Variants in SPART observed in about 807,000 individuals in gnomAD.
SPART encodes spastic paraplegia 20 (Troyer syndrome).
Under a neutral mutation model 58.7 loss-of-function variants are expected in SPART, and 35 were observed. The ratio of observed to expected loss-of-function variants is 0.60; its 90% CI spans 0.46 to 0.79. SPART has a LOEUF of 0.79. Among genes scored for constraint, SPART ranks in the 30% least tolerant of loss-of-function variants. The probability of loss-of-function intolerance (pLI) is 0.00; values close to 1 mark genes in which losing one functional copy is unlikely to be tolerated. For missense variants in SPART, 730 were observed against 786.1 expected (o/e 0.93, Z 0.85); for synonymous variants, 284 against 280.7 (o/e 1.01, Z -0.12).
At chr13:36,341,471 T>C (rs1381635518) in intron 1 of SPART, among the ~76,000 whole-genome samples, 1 of 152,228 alleles carries the variant, frequency 6.6e-6, no homozygotes, top group Admixed American at 6.5e-5. Flanking sequence ...AAACTCAGTA[T>C]GTGTTTTACA....
At chr13:36,323,929 T>A (rs1212945339) in intron 5 of SPART, among the ~76,000 whole-genome samples, 1 of 152,208 alleles carries the variant, frequency 6.6e-6, no homozygotes, top group African/African-American at 2.4e-5. Flanking sequence ...AGTTTTTGCT[T>A]GTTTTAAAAT....
intron 5 of SPART, 25 bp from the exon 6 acceptor site, chr13:36,314,446 G>A (rs999935782): frequency 6.2e-7 from 1 of 1,605,428 alleles, no homozygotes; most frequent in Non-Finnish European, 8.5e-7. Flanking sequence ...ATTTAAAATT[G>A]CACAATATTA....
At position 36,302,173 on chromosome 13, in the gene SPART, T is replaced by C. The variant is rs532107826; in HGVS notation, c.*2192A>G. 1 of 152,290 alleles carries C rather than the reference T, an allele frequency of 6.6e-6. No homozygotes were observed. The highest frequency in any genetic ancestry group is 2.1e-4 in the South Asian group (1 of 4,828). The allele number at this position is 152,290 out of a possible 1,614,324, so 9.4% of individuals were successfully genotyped here. A position where few individuals can be genotyped will look rare whatever the true frequency, so the allele number is the denominator to read the frequency against. The stretch of plus-strand genomic sequence containing the variant: ...TAGGTAATTGGCAGCTTTCCATGTC[T>C]TTAGGTGTGATGAGTTTTTAAGTGT... On this transcript the variant is annotated 3_prime_UTR_variant, in exon 9 of 9. Transcript: ENST00000438666.
intron 1 of SPART, among the ~76,000 whole-genome samples, chr13:36,360,203 G>C (rs1052273480): frequency 2.3e-5 from 3 of 132,410 alleles, no homozygotes; most frequent in Admixed American, 1.6e-4. Context: ...GCTGAGGCAG[G>C]AGAATCGCTT....
intron 3 of SPART, among the ~76,000 whole-genome samples, 199 bp from the exon 4 acceptor site, chr13:36,329,716 T>G (rs1883285509): frequency 2.6e-5 from 4 of 152,234 alleles, no homozygotes; most frequent in Non-Finnish European, 5.9e-5. Context: ...AGTTCTTTGG[T>G]TCATAGCATA....
In SPART at chr13:36,352,803, AT is replaced by A. The variant is rs71198417; in HGVS notation, c.-2-16972del. On this transcript the variant is annotated intron_variant, in intron 1 of 8. Coordinates refer to the SPART transcript ENST00000355182. ...CCCGTTTCCAAAAAAAAAAAAAAAAATTGAAAATTAGCCAGGCATGGTGGCA... is the reference window on the plus strand; with the variant it reads ...CCCGTTTCCAAAAAAAAAAAAAAAAATGAAAATTAGCCAGGCATGGTGGCA... 7.1e-4 allele frequency among the ~76,000 whole-genome samples: 107 copies of A among 150,502 alleles called. 1 individual carries two copies. The Middle Eastern group carries it at 0.01, about 14-fold the overall frequency.
At chr13:36,369,109 T>C (rs897797672) in intron 1 of SPART, among the ~76,000 whole-genome samples, 6 of 152,366 alleles carry the variant, frequency 3.9e-5, no homozygotes, top group African/African-American at 1.2e-4. Flanking sequence ...GTCATTTGCC[T>C]CCCATCTTTC....
At chr13:36,327,017 C>G (rs1251984473) in intron 4 of SPART, among the ~76,000 whole-genome samples, 1 of 151,816 alleles carries the variant, frequency 6.6e-6, no homozygotes, top group African/African-American at 2.4e-5. Flanking sequence ...AGATATCATC[C>G]CTAGATATTA....
chr13:36,311,685 G>T, intron 8 of SPART, among the ~76,000 whole-genome samples: 1 of 152,110 alleles, frequency 6.6e-6, no homozygotes, highest in Non-Finnish European at 1.5e-5. Context: ...TATTATACTA[G>T]AAATACTATT....
At chr13:36,314,197 A>C (rs1349328627) in intron 6 of SPART, 30 bp downstream of exon 6, 6 of 1,601,962 alleles carry the variant, frequency 3.7e-6, no homozygotes, top group Non-Finnish European at 5.1e-6. Context: ...ATATAACTTT[A>C]AAAAGTAAAG....
At chr13:36,369,647 C>CACTG (rs752199135) in intron 1 of SPART, 1 of 152,144 alleles carries the variant, frequency 6.6e-6, no homozygotes, top group Non-Finnish European at 1.5e-5. Context: ...ATTTAATGCC[C>CACTG]ACTGACTGCT....
At chr13:36,359,996 A>T (rs1885788704) in intron 1 of SPART, among the ~76,000 whole-genome samples, 3 of 150,336 alleles carry the variant, frequency 2.0e-5, no homozygotes. Flanking sequence ...ACCCAGGTGG[A>T]TTAAAAATAA....
intron 5 of SPART, among the ~76,000 whole-genome samples, chr13:36,315,024 T>C (rs1322585607): frequency 1.3e-5 from 2 of 152,212 alleles, no homozygotes; most frequent in Non-Finnish European, 2.9e-5. Context: ...CATACCTGAA[T>C]GACAAAAACA....
chr13:36,365,382 C>G (rs1403525854), intron 1 of SPART: 2 of 324,308 alleles, frequency 6.2e-6, no homozygotes, highest in Non-Finnish European at 1.2e-5. Flanking sequence ...TATGTGTGTT[C>G]TAGCCTATAA....
At chr13:36,326,929 T>C (rs1315020278) in intron 4 of SPART, among the ~76,000 whole-genome samples, 6 of 152,112 alleles carry the variant, frequency 3.9e-5, no homozygotes, top group African/African-American at 1.4e-4. Flanking sequence ...TAAATACCAA[T>C]ATAAGTCCAA....
At chr13:36,321,773 C>T (rs988845717) in intron 5 of SPART, among the ~76,000 whole-genome samples, 4 of 152,168 alleles carry the variant, frequency 2.6e-5, no homozygotes, top group Admixed American at 6.5e-5. Context: ...CAAGCCATCG[C>T]GTCCCCTGTG....
chr13:36,365,633 C>G (rs1169578254), intron 1 of SPART: 2 of 468,482 alleles, frequency 4.3e-6, no homozygotes, highest in Non-Finnish European at 8.8e-6. Context: ...CCAACTTTAT[C>G]CCTAGTTTTT....
intron 1 of SPART, among the ~76,000 whole-genome samples, chr13:36,366,655 T>C (rs1432729026): frequency 6.6e-6 from 1 of 152,220 alleles, no homozygotes; most frequent in African/African-American, 2.4e-5. Context: ...TATAAAAATC[T>C]TGGGGGACCT....
chr13:36,304,827 C>T (rs1880349782), intron 8 of SPART, among the ~76,000 whole-genome samples, 195 bp from the exon 9 acceptor site: 1 of 152,100 alleles, frequency 6.6e-6, no homozygotes, highest in African/African-American at 2.4e-5. Context: ...AGTATTTTCT[C>T]CTTTAGTAAA....
Sources: gnomAD v4.1 joint callset for allele counts (sites outside exome capture counted in the v4.1 genomes callset) on GRCh38, gnomAD v4.1.1 for gene constraint, MANE v1.5 for transcripts, NCBI Gene and HGNC (gene_info 2026-07-23, HGNC 2026-07-21) for gene names.